WDTC1: variants seen among roughly 807,000 people sequenced by gnomAD.
WDTC1 encodes WD and tetratricopeptide repeats 1, also known as WD and tetratricopeptide repeats protein 1.
Under a neutral mutation model 76.0 loss-of-function variants are expected in WDTC1, and 12 were observed. The observed-to-expected ratio is 0.16, with a 90% confidence interval of 0.10 to 0.26. The LOEUF (loss-of-function observed/expected upper bound fraction) is 0.26. Among genes scored for constraint, WDTC1 ranks in the 10% least tolerant of loss-of-function variants. WDTC1 has a pLI of 1.00. For missense variants in WDTC1, 511 were observed against 908.8 expected, an observed-to-expected ratio of 0.56 and a Z score of 5.63; for synonymous variants, 326 against 350.8, an observed-to-expected ratio of 0.93 and a Z score of 0.79.
At chr1:27,275,115 A>G (rs2012984166) in intron 3 of WDTC1, among the ~76,000 whole-genome samples, 1 of 152,164 alleles carries the variant, frequency 6.6e-6, no homozygotes, top group South Asian at 2.1e-4. Context: ...TTTTCTTCAT[A>G]TTATCCTTAA....
At chr1:27,236,018 C>T (rs1027376805) in intron 1 of WDTC1, among the ~76,000 whole-genome samples, 1 of 152,120 alleles carries the variant, frequency 6.6e-6, no homozygotes, top group African/African-American at 2.4e-5. Context: ...CAGCTTCTGA[C>T]TCAAAGACGT....
chr1:27,246,102 C>A (rs2011820309), intron 1 of WDTC1, among the ~76,000 whole-genome samples: 1 of 152,112 alleles, frequency 6.6e-6, no homozygotes, highest in South Asian at 2.1e-4. Context: ...AATTCACGTA[C>A]CATAAAATAG....
At chr1:27,235,347 C>A (rs1177952499) in intron 1 of WDTC1, among the ~76,000 whole-genome samples, 1 of 151,768 alleles carries the variant, frequency 6.6e-6, no homozygotes, top group Admixed American at 6.6e-5. Flanking sequence ...CCTGACCTGC[C>A]CTCTTAGCTT....
At chr1:27,304,325 A>G (rs1012800095) in intron 14 of WDTC1, 1 of 164,454 alleles carries the variant, frequency 6.1e-6, no homozygotes, top group Admixed American at 6.5e-5. Context: ...GAATCTCTCC[A>G]TAGGCCAGGC....
intron 6 of WDTC1, among the ~76,000 whole-genome samples, chr1:27,291,568 C>T (rs1456708328): frequency 6.6e-6 from 1 of 152,188 alleles, no homozygotes; most frequent in Non-Finnish European, 1.5e-5. Context: ...GTTTCCCCGT[C>T]TGGAGCGGTG....
chr1:27,253,411 T>TCCCC (rs1267912526), intron 1 of WDTC1, among the ~76,000 whole-genome samples: 1 of 40,092 alleles, frequency 2.5e-5, no homozygotes, highest in Non-Finnish European at 5.1e-5. Flanking sequence ...CCCCCTCCCC[T>TCCCC]CCTCCTCCTC....
In WDTC1 at chr1:27,261,045, T is replaced by C. The variant is rs2012462455; in HGVS notation, c.-10T>C. Reference sequence around the variant, plus strand: ...ATTATAGCTTCCTTCTGTTGAACCATTAAGAAAAGATGGCGAAAGTCAACA... The same window carrying C: ...ATTATAGCTTCCTTCTGTTGAACCACTAAGAAAAGATGGCGAAAGTCAACA... On this transcript the variant is annotated 5_prime_UTR_variant, in exon 2 of 16. Transcript: ENST00000319394. 2 of 1,614,160 alleles carry C rather than the reference T, an allele frequency of 1.2e-6. No homozygotes were observed. Among genetic ancestry groups the C allele is most frequent in the Non-Finnish European group, 1.7e-6 (2 of 1,180,016 alleles).
intron 3 of WDTC1, among the ~76,000 whole-genome samples, chr1:27,275,790 C>T (rs1486127801): frequency 6.6e-6 from 1 of 152,064 alleles, no homozygotes; most frequent in Non-Finnish European, 1.5e-5. Flanking sequence ...GTGGTTTTGA[C>T]TATTCACAAA....
At position 27,302,107 on chromosome 1, in the gene WDTC1, C is replaced by T. The variant is rs143411272; in HGVS notation, c.1468+646C>T. 3.3e-3 allele frequency among the ~76,000 whole-genome samples: 504 copies of T among 152,296 alleles called. 3 individuals carry two copies. The highest frequency in any genetic ancestry group is 0.012 in the African/African-American group (483 of 41,556). On this transcript the variant is annotated intron_variant, in intron 13 of 15. Coordinates refer to ENST00000319394, the MANE Select transcript of WDTC1 (RefSeq NM_001276252.2). ...GAGCTCATAGGAGGCAGACATGGAT[C>T]TTCACCTCTCTCCTTTGCAGTTTAC...
intron 1 of WDTC1, among the ~76,000 whole-genome samples, chr1:27,254,718 C>T (rs768282907): frequency 1.2e-4 from 19 of 152,074 alleles, no homozygotes; most frequent in Admixed American, 1.0e-3. Flanking sequence ...CTGCAACCTC[C>T]GCCTCCCAGG....
At chr1:27,284,624 A>G (rs1216466912) in intron 5 of WDTC1, among the ~76,000 whole-genome samples, 1 of 152,178 alleles carries the variant, frequency 6.6e-6, no homozygotes, top group Non-Finnish European at 1.5e-5. Context: ...GGCCTGGGGA[A>G]GGGGACCTAA....
At chr1:27,294,221 T>TA in intron 8 of WDTC1, 105 bp downstream of exon 8, 1 of 1,236,076 alleles carries the variant, frequency 8.1e-7, no homozygotes, top group Non-Finnish European at 1.1e-6. Flanking sequence ...GCAAGGGTTT[T>TA]AGAGTCAGAC....
At chr1:27,271,606 T>G (rs1398146799) in intron 3 of WDTC1, among the ~76,000 whole-genome samples, 4 of 151,842 alleles carry the variant, frequency 2.6e-5, no homozygotes, top group Non-Finnish European at 5.9e-5. Flanking sequence ...CTCATGTAAT[T>G]TACTTTTTGT....
intron 3 of WDTC1, among the ~76,000 whole-genome samples, chr1:27,265,388 T>C (rs189040366): frequency 6.6e-6 from 1 of 152,298 alleles, no homozygotes; most frequent in Non-Finnish European, 1.5e-5. Flanking sequence ...CCTTGGAAAA[T>C]ATAGTTATTT....
intron 1 of WDTC1, chr1:27,255,708 A>G (rs755685032): frequency 1.3e-5 from 2 of 152,298 alleles, no homozygotes; most frequent in Admixed American, 1.3e-4. Context: ...AGCTGGGATT[A>G]CAGGCATGCT....
rs918773532 is a variant in WDTC1 at position 27,307,599 on chromosome 1, C to T, written c.*1216C>T. 1.3e-5 allele frequency: 2 copies of T among 152,898 alleles called. No individual in the cohort carries two copies. Among genetic ancestry groups the T allele is most frequent in the African/African-American group, 4.8e-5 (2 of 41,416 alleles). The allele number at this position is 152,898 out of a possible 1,614,324, so 9.5% of individuals were successfully genotyped here. On this transcript the variant is annotated 3_prime_UTR_variant, in exon 16 of 16. Coordinates refer to ENST00000319394, the MANE Select transcript of WDTC1 (RefSeq NM_001276252.2). The surrounding 1 kb of genome is among the most constrained non-coding windows in gnomAD (Gnocchi z 4.1). ...GGGGAAAAGCAGCCTCCCTTCTCCT[C>T]TCCCTCCACTCCCTCGCTCCCTCCC...
chr1:27,306,475 C>T lies in WDTC1; in HGVS notation c.*92C>T. 1 of 1,411,086 alleles carries T rather than the reference C, an allele frequency of 7.1e-7. No homozygotes were observed. Among genetic ancestry groups the T allele is most frequent in the Non-Finnish European group, 9.4e-7 (1 of 1,059,254 alleles). 87.4% of individuals were successfully genotyped at this position (1,411,086 alleles called of 1,614,324 possible). A position where few individuals can be genotyped will look rare whatever the true frequency, so the allele number is the denominator to read the frequency against. Reference sequence around the variant, plus strand: ...GGATTCTGTTTTGGTTTGTCTTCCCCACCACCCTTTTTTTTCATTTCCCCT... The same window carrying T: ...GGATTCTGTTTTGGTTTGTCTTCCCTACCACCCTTTTTTTTCATTTCCCCT... On this transcript the variant is annotated 3_prime_UTR_variant, in exon 16 of 16. Coordinates refer to ENST00000319394, the MANE Select transcript of WDTC1 (RefSeq NM_001276252.2). The surrounding 1 kb of genome is among the most constrained non-coding windows in gnomAD (Gnocchi z 5.0).
At chr1:27,260,087 G>GT (rs2012426386) in intron 1 of WDTC1, among the ~76,000 whole-genome samples, 1 of 151,646 alleles carries the variant, frequency 6.6e-6, no homozygotes, top group East Asian at 1.9e-4. Context: ...GATTTTTTTT[G>GT]TTTTTTGTTT....
At chr1:27,285,588 G>C (rs1328185777) in intron 5 of WDTC1, among the ~76,000 whole-genome samples, 1 of 151,716 alleles carries the variant, frequency 6.6e-6, no homozygotes, top group Non-Finnish European at 1.5e-5. Context: ...AAAGTTATGT[G>C]ATAGAACTAC....
Sources: allele counts gnomAD v4.1 joint callset (sites outside exome capture counted in the v4.1 genomes callset), GRCh38; gene constraint gnomAD v4.1.1; non-coding constraint Gnocchi (gnomAD v3.1); transcripts MANE v1.5; gene names NCBI Gene and HGNC (gene_info 2026-07-23, HGNC 2026-07-21).